ANK1: variants seen among roughly 807,000 people sequenced by gnomAD.
The protein encoded by ANK1 is ankyrin-1.
A neutral mutation model predicts 210.4 loss-of-function variants in ANK1; 51 were observed. The ratio of observed to expected loss-of-function variants is 0.24; its 90% CI spans 0.19 to 0.31. The LOEUF (loss-of-function observed/expected upper bound fraction) is 0.31. Among genes scored for constraint, ANK1 ranks in the 10% least tolerant of loss-of-function variants. The pLI, the probability that ANK1 is intolerant of heterozygous loss-of-function variation, is 1.00. For missense variants in ANK1, 2,051 were observed against 2,504.4 expected (o/e 0.82, Z 3.86); for synonymous variants, 967 against 1,025.9 (o/e 0.94, Z 1.10).
At chr8:41,833,089 G>A (rs1031635594) in intron 1 of ANK1, among the ~76,000 whole-genome samples, 1 of 152,222 alleles carries the variant, frequency 6.6e-6, no homozygotes, top group African/African-American at 2.4e-5. Context: ...GCCAGATGTG[G>A]GTGGCGTGGG....
chr8:41,714,371 C>G, intron 15 of ANK1, 117 bp from the exon 16 acceptor site: 1 of 784,060 alleles, frequency 1.3e-6, no homozygotes, highest in African/African-American at 1.7e-5. Context: ...AAAATCTTTC[C>G]CAGGCCAGTC....
At chr8:41,781,039 C>T (rs566167485) in intron 1 of ANK1, among the ~76,000 whole-genome samples, 5 of 152,264 alleles carry the variant, frequency 3.3e-5, no homozygotes, top group African/African-American at 1.2e-4. Context: ...TTGTAAAATC[C>T]TCAACCAGAA....
intron 2 of ANK1, among the ~76,000 whole-genome samples, chr8:41,736,028 TTCC>T (rs1416955035): frequency 6.6e-6 from 1 of 152,142 alleles, no homozygotes; most frequent in Non-Finnish European, 1.5e-5. Flanking sequence ...GCCATTAGGT[TTCC>T]TCCTCCTGCA....
chr8:41,812,008 G>A (rs1802570449), intron 1 of ANK1, among the ~76,000 whole-genome samples: 1 of 152,152 alleles, frequency 6.6e-6, no homozygotes, highest in South Asian at 2.1e-4. Context: ...ATGTCTGCAG[G>A]CAACTGTAAA....
intron 1 of ANK1, among the ~76,000 whole-genome samples, chr8:41,764,459 C>A (rs1045629613): frequency 6.6e-6 from 1 of 152,308 alleles, no homozygotes; most frequent in South Asian, 2.1e-4. Context: ...ACAACAGCAA[C>A]AAAATACAAA....
chr8:41,810,975 G>C (rs1336976535), intron 1 of ANK1, among the ~76,000 whole-genome samples: 2 of 152,226 alleles, frequency 1.3e-5, no homozygotes, highest in Non-Finnish European at 2.9e-5. Flanking sequence ...GGCGGTTCTT[G>C]GTCTGCAGAA....
chr8:41,837,047 G>C (rs1292887760), intron 1 of ANK1, among the ~76,000 whole-genome samples: 1 of 152,172 alleles, frequency 6.6e-6, no homozygotes, highest in African/African-American at 2.4e-5. Context: ...ATGAGCATTG[G>C]TTAAATGAGA....
At chr8:41,698,248 G>C in intron 23 of ANK1, 127 bp from the exon 24 acceptor site, 1 of 906,474 alleles carries the variant, frequency 1.1e-6, no homozygotes, top group Non-Finnish European at 1.8e-6. Context: ...TCACAACCTG[G>C]TGGAAGGACC....
intron 1 of ANK1, among the ~76,000 whole-genome samples, chr8:41,847,430 A>T (rs2150809041): frequency 6.6e-6 from 1 of 152,360 alleles, no homozygotes; most frequent in Non-Finnish European, 1.5e-5. Flanking sequence ...AGGCCGGGGA[A>T]AACGGTCTTC....
At chr8:41,669,739 C>T (rs975324104) in intron 38 of ANK1, among the ~76,000 whole-genome samples, 4 of 152,204 alleles carry the variant, frequency 2.6e-5, no homozygotes, top group Non-Finnish European at 5.9e-5. Context: ...CCTCTCAGCA[C>T]GGCCACCGCT....
At chr8:41,868,928 C>G (rs533304025) in intron 1 of ANK1, among the ~76,000 whole-genome samples, 1 of 152,174 alleles carries the variant, frequency 6.6e-6, no homozygotes, top group African/African-American at 2.4e-5. Context: ...AGAAGGAATG[C>G]GAACACCCAG....
chr8:41,708,051 G>A (rs192830439), intron 17 of ANK1, among the ~76,000 whole-genome samples: 59 of 152,316 alleles, frequency 3.9e-4, no homozygotes, highest in Admixed American at 5.9e-4. Flanking sequence ...TAACGGGTAC[G>A]AGGTTTCCTT....
intron 1 of ANK1, among the ~76,000 whole-genome samples, chr8:41,843,800 C>T (rs1362888): frequency 0.91 from 139,325 of 152,290 alleles, 63,933 homozygotes; most frequent in East Asian, 1. Flanking sequence ...ACTCAAGATA[C>T]GTATGATGCA....
intron 31 of ANK1, 92 bp downstream of exon 31, chr8:41,692,556 G>A: frequency 7.7e-7 from 1 of 1,293,388 alleles, no homozygotes; most frequent in South Asian, 1.2e-5. Flanking sequence ...GTCTACAGAG[G>A]GAGGACTGCC....
At chr8:41,699,637 G>T (rs917421508) in intron 22 of ANK1, 89 bp from the exon 23 acceptor site, 58 of 1,258,072 alleles carry the variant, frequency 4.6e-5, no homozygotes, top group Non-Finnish European at 6.2e-5. Context: ...CTCCGCCTCT[G>T]GGGGCTTGCT....
At chr8:41,779,168 C>A (rs1844753558) in intron 1 of ANK1, among the ~76,000 whole-genome samples, 1 of 152,176 alleles carries the variant, frequency 6.6e-6, no homozygotes, top group Admixed American at 6.5e-5. Context: ...GGAGACCACT[C>A]TAGTGCCCCA....
intron 1 of ANK1, among the ~76,000 whole-genome samples, chr8:41,830,528 A>G (rs1016969178): frequency 2.0e-5 from 3 of 152,100 alleles, no homozygotes; most frequent in Non-Finnish European, 4.4e-5. Context: ...TTAATCCTCC[A>G]TTGAAATGTT....
At chr8:41,735,747 G>GA (rs1021604738) in intron 2 of ANK1, among the ~76,000 whole-genome samples, 4 of 152,192 alleles carry the variant, frequency 2.6e-5, no homozygotes, top group Admixed American at 1.3e-4. Context: ...ACTAGCAGAG[G>GA]AAAGTCACCC....
intron 1 of ANK1, among the ~76,000 whole-genome samples, chr8:41,777,100 A>G (rs1660877258): frequency 6.6e-6 from 1 of 152,218 alleles, no homozygotes; most frequent in Non-Finnish European, 1.5e-5. Context: ...TTAAAAGGTG[A>G]GGAAATAAGC....
Sources: allele counts gnomAD v4.1 joint callset (sites outside exome capture counted in the v4.1 genomes callset), GRCh38; gene constraint gnomAD v4.1.1; transcripts MANE v1.5; gene names NCBI Gene and HGNC (gene_info 2026-07-23, HGNC 2026-07-21).